FBXO34: variants seen among roughly 807,000 people sequenced by gnomAD.
FBXO34 encodes F-box protein 34, also known as F-box only protein 34.
A neutral mutation model predicts 24.5 loss-of-function variants in FBXO34; 12 were observed. The ratio of observed to expected loss-of-function variants is 0.49; its 90% CI spans 0.31 to 0.79. The LOEUF (loss-of-function observed/expected upper bound fraction) is 0.79, where lower values mean the gene tolerates loss of function less well. FBXO34 is among the 30% of genes least tolerant of loss of function. The pLI is 0.04. For missense variants in FBXO34, 823 were observed against 857.7 expected (o/e 0.96, Z 0.51); for synonymous variants, 320 against 311.9 (o/e 1.03, Z -0.27).
chr14:55,366,529 C>CT (rs940171391), downstream of FBXO34: 1 of 152,594 alleles, frequency 6.6e-6, no homozygotes, highest in Non-Finnish European at 1.5e-5. Context: ...CACTAGTCCT[C>CT]TAACAGCATG....
chr14:55,394,556 T>A, the FBXO34 span, among the ~76,000 whole-genome samples: 1 of 152,166 alleles, frequency 6.6e-6, no homozygotes, highest in Non-Finnish European at 1.5e-5. Flanking sequence ...CACAACTGAA[T>A]AGCATGTACA....
chr14:55,436,720 C>A, the FBXO34 span: 2 of 1,614,184 alleles, frequency 1.2e-6, no homozygotes, highest in Admixed American at 3.3e-5. Context: ...ATTTGACAAA[C>A]TGCTGCTGTT....
chr14:55,377,762 A>C, the FBXO34 span: 1 of 1,307,244 alleles, frequency 7.6e-7, no homozygotes, highest in Non-Finnish European at 1.1e-6. Context: ...CCAACATACA[A>C]CTCCTCTAAC....
the FBXO34 span, chr14:55,378,004 G>C: frequency 6.2e-7 from 1 of 1,611,916 alleles, no homozygotes; most frequent in South Asian, 1.1e-5. Context: ...CAAAGGTAAA[G>C]AATATTTGCA....
intron 1 of FBXO34, among the ~76,000 whole-genome samples, chr14:55,296,975 T>A (rs189810327): frequency 1.3e-5 from 2 of 152,230 alleles, no homozygotes; most frequent in Non-Finnish European, 2.9e-5. Flanking sequence ...TTAATTTGTT[T>A]TAAAACAGTA....
chr14:55,442,289 C>G, the FBXO34 span, among the ~76,000 whole-genome samples: 1 of 150,304 alleles, frequency 6.7e-6, no homozygotes, highest in African/African-American at 2.5e-5. Flanking sequence ...CTCAGGAGGC[C>G]GAGGCAGGAG....
At chr14:55,319,054 T>C (rs1051863675) in intron 1 of FBXO34, among the ~76,000 whole-genome samples, 1 of 152,190 alleles carries the variant, frequency 6.6e-6, no homozygotes, top group Admixed American at 6.5e-5. Context: ...AGAAGGGTCA[T>C]AGGATATGAA....
intron 3 of FBXO34, among the ~76,000 whole-genome samples, chr14:55,359,505 G>T (rs1424795408): frequency 2.0e-5 from 3 of 152,164 alleles, no homozygotes; most frequent in Admixed American, 1.3e-4. Context: ...ATGCTTTATT[G>T]CTTAAAACAT....
chr14:55,397,578 G>A, the FBXO34 span: 2 of 670,154 alleles, frequency 3.0e-6, no homozygotes, highest in East Asian at 2.7e-5. Context: ...TTCTCAACGG[G>A]GTGCACACAA....
chr14:55,439,278 T>TAA, the FBXO34 span, among the ~76,000 whole-genome samples: 55,860 of 133,512 alleles, frequency 0.42, 12,541 homozygotes, highest in Admixed American at 0.53. Flanking sequence ...TAATTAACTT[T>TAA]AAAAAAAAAA....
At chr14:55,433,856 A>G in the FBXO34 span, 1 of 646,104 alleles carries the variant, frequency 1.5e-6, no homozygotes, top group Non-Finnish European at 2.6e-6. Flanking sequence ...TTCTCCCTAC[A>G]TTAAGGTTAA....
At chr14:55,323,231 T>A (rs1476139661) in intron 1 of FBXO34, among the ~76,000 whole-genome samples, 50 of 93,346 alleles carry the variant, frequency 5.4e-4, no homozygotes, top group Middle Eastern at 4.7e-3. Flanking sequence ...ATATATTTTT[T>A]TTTTTTTTTT....
intron 1 of FBXO34, among the ~76,000 whole-genome samples, chr14:55,330,845 T>C (rs962460699): frequency 1.3e-5 from 2 of 152,180 alleles, no homozygotes; most frequent in East Asian, 3.8e-4. Context: ...TTTTTCTCCA[T>C]AGCCTTTTAT....
At chr14:55,347,897 A>T (rs962364899) in intron 1 of FBXO34, among the ~76,000 whole-genome samples, 1 of 152,196 alleles carries the variant, frequency 6.6e-6, no homozygotes, top group Non-Finnish European at 1.5e-5. Flanking sequence ...TCATTATGTG[A>T]GAATTTATTG....
chr14:55,370,715 C>CA (rs536343811), downstream of FBXO34, among the ~76,000 whole-genome samples: 343 of 151,714 alleles, frequency 2.3e-3, 5 homozygotes, highest in African/African-American at 7.8e-3. Flanking sequence ...CATCTTGGCT[C>CA]CTGCAACCTC....
At chr14:55,424,158 C>T in the FBXO34 span, 5 of 1,608,244 alleles carry the variant, frequency 3.1e-6, no homozygotes, top group Non-Finnish European at 4.3e-6. Context: ...TTAGCACTTA[C>T]CTGTCAACAC....
rs145907652 is a variant in FBXO34, at chr14:55,351,113, A to T, written c.723A>T (p.Gln241His). ...CTGCAATTGTGAGGTTTTCTGGCCA[A>T]TCCAGAGGTGTGCCTGCAGTGTCTG... is the stretch of plus-strand genomic sequence containing the variant. Reference protein sequence around the residue: ...NSPAIVRFSGQSRGVPAVSES... With the variant: ...NSPAIVRFSGHSRGVPAVSES... The change falls in exon 2 of 2, where the codon CAA becomes CAT. Residue 241 changes from glutamine (Q) to histidine (H), a missense_variant. Transcript: ENST00000313833. 6.2e-7 allele frequency: 1 copy of T among 1,614,230 alleles called. No homozygotes were observed. The highest frequency in any genetic ancestry group is 1.3e-5 in the African/African-American group (1 of 75,068).
the FBXO34 span, among the ~76,000 whole-genome samples, chr14:55,427,710 G>C: frequency 1.3e-5 from 2 of 152,046 alleles, no homozygotes; most frequent in East Asian, 1.9e-4. Flanking sequence ...CACCAAAACG[G>C]CTGGGGGCGG....
At chr14:55,341,595 A>G (rs1883993457) in intron 1 of FBXO34, among the ~76,000 whole-genome samples, 1 of 152,228 alleles carries the variant, frequency 6.6e-6, no homozygotes, top group South Asian at 2.1e-4. Flanking sequence ...ATATCTGAAA[A>G]TCCTTGGAAA....
Sources: gnomAD v4.1 joint callset for allele counts (sites outside exome capture counted in the v4.1 genomes callset) on GRCh38, gnomAD v4.1.1 for gene constraint, MANE v1.5 for transcripts, NCBI Gene and HGNC (gene_info 2026-07-23, HGNC 2026-07-21) for gene names.